Variants in KPNA7 observed in about 807,000 individuals in gnomAD.
The protein encoded by KPNA7 is importin subunit alpha-8.
KPNA7 carries 54 observed loss-of-function variants against 53.7 expected under a neutral mutation model. The observed-to-expected ratio is 1.01, with a 90% CI of 0.81 to 1.26. The LOEUF (loss-of-function observed/expected upper bound fraction) is 1.26. Among genes scored for constraint, KPNA7 ranks in the 50% most tolerant of loss-of-function variants. The pLI, the probability that KPNA7 is intolerant of heterozygous loss-of-function variation, is 0.00. For missense variants in KPNA7, 640 were observed against 644.5 expected (o/e 0.99, Z 0.07); for synonymous variants, 276 against 259.3 (o/e 1.06, Z -0.62).
At chr7:99,212,231 T>A (rs542573401), upstream of KPNA7, among the ~76,000 whole-genome samples, 208 of 131,450 alleles carry the variant, frequency 1.6e-3, no homozygotes, top group African/African-American at 5.5e-3. Flanking sequence ...TCCACATGTG[T>A]CCTTTTTTTT....
intron 3 of KPNA7, among the ~76,000 whole-genome samples, chr7:99,198,143 A>G (rs532570912): frequency 8.9e-4 from 136 of 152,308 alleles, no homozygotes; most frequent in Admixed American, 2.3e-3. Flanking sequence ...GAAAGCATCA[A>G]GGCCAAAAAG....
chr7:99,165,919 G>A, the KPNA7 span, among the ~76,000 whole-genome samples: 3 of 152,110 alleles, frequency 2.0e-5, no homozygotes, highest in African/African-American at 4.8e-5. Flanking sequence ...CTGGTAGGAG[G>A]TGATTGGATC....
At chr7:99,182,768 A>C (rs1483242756) in intron 8 of KPNA7, among the ~76,000 whole-genome samples, 1 of 151,618 alleles carries the variant, frequency 6.6e-6, no homozygotes, top group Non-Finnish European at 1.5e-5. Flanking sequence ...GGAAAAAATG[A>C]AACGGACATT....
chr7:99,180,742 C>CATGTCTCTCTCTCTCTCCCCGTCT lies in KPNA7; in HGVS notation c.1317+1140_1317+1141insAGACGGGGAGAGAGAGAGAGACAT, dbSNP rs757432007. On this transcript the variant is annotated intron_variant, in intron 9 of 10. Transcript: ENST00000327442. The stretch of plus-strand genomic sequence containing the variant: ...CTCCGTCTGTGTCTCTCTCTCTCCC[C>CATGTCTCTCTCTCTCTCCCCGTCT]GTGTCTCTCTCTCTCTCCCCGTCTG... Among the ~76,000 whole-genome samples, 14 of 29,666 alleles carry CATGTCTCTCTCTCTCTCCCCGTCT rather than the reference C, an allele frequency of 4.7e-4. 2 individuals carry two copies. The highest frequency in any genetic ancestry group is 2.0e-3 in the African/African-American group (12 of 6,088). 19.5% of individuals were successfully genotyped at this position (29,666 alleles called of 152,430 possible).
intron 5 of KPNA7, among the ~76,000 whole-genome samples, chr7:99,194,249 G>C (rs1461535966): frequency 1.3e-5 from 2 of 152,200 alleles, no homozygotes; most frequent in Non-Finnish European, 1.5e-5. Flanking sequence ...ACTAGACCAT[G>C]CAGGAAAGAG....
chr7:99,160,033 T>TG, the KPNA7 span, among the ~76,000 whole-genome samples: 8 of 143,740 alleles, frequency 5.6e-5, no homozygotes, highest in East Asian at 4.0e-4. Flanking sequence ...TTTTTTTTTT[T>TG]TTTTTTTTTG....
the KPNA7 span, among the ~76,000 whole-genome samples, chr7:99,145,819 C>G: frequency 6.6e-6 from 1 of 152,102 alleles, no homozygotes; most frequent in African/African-American, 2.4e-5. Flanking sequence ...TCGGATGACC[C>G]TAGTGAAAGC....
chr7:99,215,752 T>C (rs1791203038), intron 1 of KPNA7, among the ~76,000 whole-genome samples: 1 of 152,030 alleles, frequency 6.6e-6, no homozygotes, highest in Non-Finnish European at 1.5e-5. Flanking sequence ...TTGGGAGGAT[T>C]ATTTGAGACC....
At chr7:99,203,617 G>T (rs748225898) in intron 2 of KPNA7, among the ~76,000 whole-genome samples, 1 of 152,100 alleles carries the variant, frequency 6.6e-6, no homozygotes, top group African/African-American at 2.4e-5. Context: ...GGCCTTTTCG[G>T]TGGTGGCTAG....
At chr7:99,167,260 T>A in the KPNA7 span, among the ~76,000 whole-genome samples, 2 of 152,138 alleles carry the variant, frequency 1.3e-5, no homozygotes, top group Non-Finnish European at 2.9e-5. Flanking sequence ...CTTCACCTCC[T>A]TCAGGGCCAG....
chr7:99,165,619 C>T, the KPNA7 span, among the ~76,000 whole-genome samples: 1 of 152,194 alleles, frequency 6.6e-6, no homozygotes, highest in African/African-American at 2.4e-5. Flanking sequence ...AACACCCAAA[C>T]ACCGTTTCTC....
chr7:99,189,078 G>T (rs1307086787), intron 6 of KPNA7, among the ~76,000 whole-genome samples: 1 of 152,188 alleles, frequency 6.6e-6, no homozygotes, highest in Non-Finnish European at 1.5e-5. Flanking sequence ...TCCAATGTTA[G>T]ATGGAGGTTT....
chr7:99,182,164 G>A lies in KPNA7; in HGVS notation c.1135-99C>T, dbSNP rs1286206131. 4 of 849,520 alleles carry A rather than the reference G, an allele frequency of 4.7e-6. No homozygotes were observed. In the Admixed American group the frequency reaches 8.9e-5, roughly 19 times the overall value. The allele number at this position is 849,520 out of a possible 1,614,324, so 52.6% of individuals were successfully genotyped here. On this transcript the variant is annotated intron_variant, in intron 8 of 10. Transcript: ENST00000327442. ...TTCTAGGGAGGCTGGTGACAGCCAG[G>A]ACTGCATGTACAATTTACATAGAAT...
Position 99,189,844 on chromosome 7 carries a change from G to A in KPNA7, c.637-1281C>T, listed in dbSNP as rs185752154. On this transcript the variant is annotated intron_variant, in intron 6 of 10. Transcript: ENST00000327442. ...TGGGCTCAAGGGATCCTCCTGCCTC[G>A]GCCTCCCAAAATGCTGGGATTACAG... is the stretch of plus-strand genomic sequence containing the variant. Among the ~76,000 whole-genome samples the A allele has an allele frequency of 1.6e-4, 25 of 152,070 alleles. No individual in the cohort carries two copies. The East Asian group carries it at 3.5e-3, about 21-fold the overall frequency.
intron 1 of KPNA7, among the ~76,000 whole-genome samples, chr7:99,214,037 C>T (rs775419890): frequency 6.6e-5 from 10 of 152,092 alleles, no homozygotes; most frequent in African/African-American, 9.7e-5. Context: ...CCCAAAGTTC[C>T]CATAACTGTG....
chr7:99,163,383 A>ATATATATATT, the KPNA7 span, among the ~76,000 whole-genome samples: 7 of 40,816 alleles, frequency 1.7e-4, no homozygotes, highest in Non-Finnish European at 2.1e-4. Flanking sequence ...ATATATATAT[A>ATATATATATT]TTTTTTTTTT....
In KPNA7 at chr7:99,185,773, A is replaced by T. The variant is rs574284699; in HGVS notation, c.901-611T>A. On this transcript the variant is annotated intron_variant, in intron 7 of 10. Coordinates refer to ENST00000327442, the MANE Select transcript of KPNA7 (RefSeq NM_001145715.3). ...GCTTTCAGTTTCATCATCAAATGCTAAATTGACGATAGTGTTTTGTTTGTT... is the reference window on the plus strand; with the variant it reads ...GCTTTCAGTTTCATCATCAAATGCTTAATTGACGATAGTGTTTTGTTTGTT... Among the ~76,000 whole-genome samples, 4 of 151,448 alleles carry T rather than the reference A, an allele frequency of 2.6e-5. No homozygotes were observed. The South Asian group carries it at 8.4e-4, about 32-fold the overall frequency.
At chr7:99,155,566 T>C in the KPNA7 span, among the ~76,000 whole-genome samples, 1 of 152,090 alleles carries the variant, frequency 6.6e-6, no homozygotes, top group Non-Finnish European at 1.5e-5. Flanking sequence ...TTTATGGGGT[T>C]GTTCTTGGTT....
downstream of KPNA7, among the ~76,000 whole-genome samples, chr7:99,168,735 C>A (rs75258362): frequency 6.6e-6 from 1 of 152,128 alleles, no homozygotes; most frequent in African/African-American, 2.4e-5. Flanking sequence ...TGGCCTCAAA[C>A]GATTCTTCCA....
Sources: gnomAD v4.1 joint callset for allele counts (sites outside exome capture counted in the v4.1 genomes callset) on GRCh38, gnomAD v4.1.1 for gene constraint, MANE v1.5 for transcripts, NCBI Gene and HGNC (gene_info 2026-07-23, HGNC 2026-07-21) for gene names.